The following MMP14 variants were observed in gnomAD, a reference collection of about 807,000 sequenced individuals.
The protein encoded by MMP14 is matrix metalloproteinase-14.
In MMP14, 13 loss-of-function variants were observed where a neutral mutation model predicts 64.8. The ratio of observed to expected loss-of-function variants is 0.20; its 90% CI spans 0.13 to 0.32. MMP14 has a LOEUF of 0.32. Among genes scored for constraint, MMP14 ranks in the 10% least tolerant of loss-of-function variants. MMP14 has a pLI of 1.00. For missense variants in MMP14, 594 were observed against 783.8 expected (o/e 0.76, Z 2.89); for synonymous variants, 322 against 315.9 (o/e 1.02, Z -0.20).
chr14:22,839,351 T>C (rs1252403999), intron 1 of MMP14, among the ~76,000 whole-genome samples: 1 of 152,244 alleles, frequency 6.6e-6, no homozygotes, highest in Non-Finnish European at 1.5e-5. Context: ...CCCCAGGCAC[T>C]GGCTGTGGCA....
chr14:22,845,895 G>T lies in MMP14; in HGVS notation c.1605G>T (p.Gly535=). 1 of 1,612,796 alleles carries T rather than the reference G, an allele frequency of 6.2e-7. No individual in the cohort carries two copies. Among genetic ancestry groups the T allele is most frequent in the Non-Finnish European group, 8.5e-7 (1 of 1,179,480 alleles). The change falls in exon 10 of 10, where the codon GGG becomes GGT. Residue 535 remains glycine (G), a synonymous_variant. Transcript: ENST00000311852. ...IIIEVDEEGG[G]AVSAAAVVLP... ...TTGAGGTGGACGAGGAGGGCGGCGGGGCGGTGAGCGCGGCTGCCGTGGTGC... is the reference window on the plus strand; with the variant it reads ...TTGAGGTGGACGAGGAGGGCGGCGGTGCGGTGAGCGCGGCTGCCGTGGTGC...
rs1449734957 is a variant in MMP14, at chr14:22,846,511, A to C, written c.*472A>C. The C allele has an allele frequency of 6.2e-6, 1 of 160,830 alleles. No homozygotes were observed. Among genetic ancestry groups the C allele is most frequent in the East Asian group, 1.9e-4 (1 of 5,386 alleles). The allele number at this position is 160,830 out of a possible 1,614,324, so 10.0% of individuals were successfully genotyped here. On this transcript the variant is annotated 3_prime_UTR_variant, in exon 10 of 10. Coordinates refer to ENST00000311852, the MANE Select transcript of MMP14 (RefSeq NM_004995.4). ...AGGTGTACCCAATTGGCAGCCTCTC[A>C]CTACTCTTTCTGGCTAAAAGGAATC... is the stretch of plus-strand genomic sequence containing the variant.
In MMP14 at chr14:22,843,211, A is replaced by T; in HGVS notation, c.689-46A>T. Reference sequence around the variant, plus strand: ...TGCTGGTGGGGAAGCAGGGAGGCTGAGGGAAGGGACTCAGGCTGCTATCGT... The same window carrying T: ...TGCTGGTGGGGAAGCAGGGAGGCTGTGGGAAGGGACTCAGGCTGCTATCGT... On this transcript the variant is annotated intron_variant, in intron 4 of 9. Coordinates refer to ENST00000311852, the MANE Select transcript of MMP14 (RefSeq NM_004995.4). This position sits in a 1 kb window ranked among gnomAD's most constrained non-coding sequence, Gnocchi z 4.8. The T allele has an allele frequency of 6.4e-7, 1 of 1,572,380 alleles. No individual in the cohort carries two copies. The highest frequency in any genetic ancestry group is 8.7e-7 in the Non-Finnish European group (1 of 1,153,172).
At chr14:22,838,423 G>A (rs1411289376) in intron 1 of MMP14, among the ~76,000 whole-genome samples, 1 of 152,136 alleles carries the variant, frequency 6.6e-6, no homozygotes, top group Non-Finnish European at 1.5e-5. Context: ...TTTGCTTCTG[G>A]GCCCAGGAAG....
At position 22,842,109 on chromosome 14, in the gene MMP14, CAG is replaced by C; in HGVS notation, c.380+78_380+79del. Reference sequence around the variant, plus strand: ...TACCCATTGTGCTTATGCAGGGACTCAGAGACCCCCTGCCCCACTCCCCTCAG... The same window carrying C: ...TACCCATTGTGCTTATGCAGGGACTCAGACCCCCTGCCCCACTCCCCTCAG... On this transcript the variant is annotated intron_variant, in intron 3 of 9. Coordinates refer to ENST00000311852, the MANE Select transcript of MMP14 (RefSeq NM_004995.4). The surrounding 1 kb of genome is among the most constrained non-coding windows in gnomAD (Gnocchi z 5.3). The C allele has an allele frequency of 6.3e-7, 1 of 1,581,484 alleles. No individual in the cohort carries two copies. The highest frequency in any genetic ancestry group is 8.6e-7 in the Non-Finnish European group (1 of 1,156,234).
chr14:22,843,653 T>C lies in MMP14; in HGVS notation c.851-57T>C. ...AGGGTATTGTCTGCCCATCTGTCTGTCCTTCCGTCCCCGCCTCCTCCTAAG... is the reference window on the plus strand; with the variant it reads ...AGGGTATTGTCTGCCCATCTGTCTGCCCTTCCGTCCCCGCCTCCTCCTAAG... On this transcript the variant is annotated intron_variant, in intron 5 of 9. Transcript: ENST00000311852. The surrounding 1 kb of genome is among the most constrained non-coding windows in gnomAD (Gnocchi z 4.8). The C allele has an allele frequency of 1.3e-6, 2 of 1,542,264 alleles. No individual in the cohort carries two copies. Among genetic ancestry groups the C allele is most frequent in the Non-Finnish European group, 1.8e-6 (2 of 1,142,268 alleles).
At chr14:22,844,841 C>T in intron 8 of MMP14, 61 bp downstream of exon 8, 6 of 1,606,376 alleles carry the variant, frequency 3.7e-6, no homozygotes, top group Non-Finnish European at 5.1e-6. Context: ...CCCAAATTCC[C>T]TCAGTTCTGG....
rs1438036689 is a variant in MMP14 at position 22,843,044 on chromosome 14, GCTT to G, written c.689-211_689-209del. ...CAGGTCTTCCCGGGATCGGGGTCCT[GCTT>G]CCAAGCACTCTCTCACCTCCACCCA... On this transcript the variant is annotated intron_variant, in intron 4 of 9. Coordinates refer to ENST00000311852, the MANE Select transcript of MMP14 (RefSeq NM_004995.4). The surrounding 1 kb of genome is among the most constrained non-coding windows in gnomAD (Gnocchi z 4.8). Among the ~76,000 whole-genome samples the G allele has an allele frequency of 6.6e-6, 1 of 152,206 alleles. No homozygotes were observed. The highest frequency in any genetic ancestry group is 1.5e-5 in the Non-Finnish European group (1 of 68,038).
Position 22,845,952 on chromosome 14 carries a change from G to A in MMP14, c.1662G>A (p.Ala554=), listed in dbSNP as rs753392905. The A allele has an allele frequency of 1.3e-5, 20 of 1,588,704 alleles. No individual in the cohort carries two copies. Among genetic ancestry groups the A allele is most frequent in the Middle Eastern group, 1.8e-4 (1 of 5,698 alleles). Residue 554 remains alanine, a synonymous_variant, in exon 10 of 10, where the codon GCG becomes GCA. Coordinates refer to ENST00000311852, the MANE Select transcript of MMP14 (RefSeq NM_004995.4). ...TGCTGCTGCTGCTCCTGGTGCTGGC[G>A]GTGGGCCTTGCAGTCTTCTTCTTCA... ...LPVLLLLLVL[A]VGLAVFFFRR...
intron 1 of MMP14, among the ~76,000 whole-genome samples, chr14:22,837,836 G>A (rs2039745935): frequency 6.6e-6 from 1 of 152,176 alleles, no homozygotes; most frequent in African/African-American, 2.4e-5. Context: ...GGAGTTGTCT[G>A]AGGAGGTTTT....
At position 22,843,207 on chromosome 14, in the gene MMP14, G is replaced by A; in HGVS notation, c.689-50G>A. The stretch of plus-strand genomic sequence containing the variant: ...AAGCTGCTGGTGGGGAAGCAGGGAG[G>A]CTGAGGGAAGGGACTCAGGCTGCTA... On this transcript the variant is annotated intron_variant, in intron 4 of 9. Coordinates refer to ENST00000311852, the MANE Select transcript of MMP14 (RefSeq NM_004995.4). The surrounding 1 kb of genome is among the most constrained non-coding windows in gnomAD (Gnocchi z 4.8). 1 of 1,568,106 alleles carries A rather than the reference G, an allele frequency of 6.4e-7. No homozygotes were observed. Among genetic ancestry groups the A allele is most frequent in the South Asian group, 1.2e-5 (1 of 86,854 alleles).
At position 22,842,099 on chromosome 14, in the gene MMP14, T is replaced by A; in HGVS notation, c.380+64T>A. ...TATTATTTCCTACCCATTGTGCTTA[T>A]GCAGGGACTCAGAGACCCCCTGCCC... On this transcript the variant is annotated intron_variant, in intron 3 of 9. Coordinates refer to ENST00000311852, the MANE Select transcript of MMP14 (RefSeq NM_004995.4). The surrounding 1 kb of genome is among the most constrained non-coding windows in gnomAD (Gnocchi z 5.3). 6.2e-7 allele frequency: 1 copy of A among 1,601,380 alleles called. No homozygotes were observed. Among genetic ancestry groups the A allele is most frequent in the Non-Finnish European group, 8.5e-7 (1 of 1,171,184 alleles).
chr14:22,843,271 C>T lies in MMP14; in HGVS notation c.703C>T (p.Leu235=). 2 of 1,613,774 alleles carry T rather than the reference C, an allele frequency of 1.2e-6. No individual in the cohort carries two copies. Among genetic ancestry groups the T allele is most frequent in the Non-Finnish European group, 1.7e-6 (2 of 1,179,788 alleles). Residue 235 remains leucine (L), a synonymous_variant, in exon 5 of 10, where the codon CTG becomes TTG. Transcript: ENST00000311852. The surrounding 1 kb of genome is among the most constrained non-coding windows in gnomAD (Gnocchi z 4.8). ...NEDLNGNDIF[L]VAVHELGHAL... is the part of the protein sequence containing the mutation. ...CATCCTTCCAGGAAATGACATCTTC[C>T]TGGTGGCTGTGCACGAGCTGGGCCA...
intron 1 of MMP14, among the ~76,000 whole-genome samples, chr14:22,840,941 C>A (rs2269212): frequency 6.6e-6 from 1 of 152,098 alleles, no homozygotes; most frequent in Admixed American, 6.6e-5. Context: ...CTAGTTTCCC[C>A]TCGTAGCAGC....
Position 22,843,903 on chromosome 14 carries a change from A to C in MMP14, c.1011+33A>C. ...GAAGTGGGCTGGTTTGAAAGACAAAAGGGCCCTATGGGCTGGGCATGGTGG... is the reference window on the plus strand; with the variant it reads ...GAAGTGGGCTGGTTTGAAAGACAAACGGGCCCTATGGGCTGGGCATGGTGG... On this transcript the variant is annotated intron_variant, in intron 6 of 9. Coordinates refer to ENST00000311852, the MANE Select transcript of MMP14 (RefSeq NM_004995.4). This position sits in a 1 kb window ranked among gnomAD's most constrained non-coding sequence, Gnocchi z 4.8. 6.2e-7 allele frequency: 1 copy of C among 1,602,944 alleles called. No homozygotes were observed. The highest frequency in any genetic ancestry group is 8.5e-7 in the Non-Finnish European group (1 of 1,177,154).
chr14:22,840,348 G>C (rs2039764554), intron 1 of MMP14, among the ~76,000 whole-genome samples: 1 of 152,180 alleles, frequency 6.6e-6, no homozygotes, highest in Admixed American at 6.5e-5. Context: ...ACAGGGCTTT[G>C]CAGTGTGTGT....
chr14:22,842,146 A>G lies in MMP14; in HGVS notation c.380+111A>G. The G allele has an allele frequency of 6.8e-7, 1 of 1,461,980 alleles. No homozygotes were observed. The highest frequency in any genetic ancestry group is 9.4e-7 in the Non-Finnish European group (1 of 1,063,670). 90.6% of individuals were successfully genotyped at this position (1,461,980 alleles called of 1,614,324 possible). A position where few individuals can be genotyped will look rare whatever the true frequency, so the allele number is the denominator to read the frequency against. On this transcript the variant is annotated intron_variant, in intron 3 of 9. Transcript: ENST00000311852. This position sits in a 1 kb window ranked among gnomAD's most constrained non-coding sequence, Gnocchi z 5.3. ...GCCCCACTCCCCTCAGTTCCTGGGA[A>G]GCATCCGTGGGAGTGGGGAGGAAAA...
chr14:22,837,213 C>T (rs750966590), intron 1 of MMP14: 19 of 603,936 alleles, frequency 3.1e-5, no homozygotes, highest in South Asian at 2.6e-4. Flanking sequence ...GGGGCGAACT[C>T]CCCCTTCCCC....
At chr14:22,837,279 C>A (rs766487779) in intron 1 of MMP14, 2 of 496,640 alleles carry the variant, frequency 4.0e-6, no homozygotes, top group Admixed American at 4.6e-5. Flanking sequence ...ATTTGGACTC[C>A]GCTCAAACCC....
Sources: allele counts gnomAD v4.1 joint callset (sites outside exome capture counted in the v4.1 genomes callset), GRCh38; gene constraint gnomAD v4.1.1; non-coding constraint Gnocchi (gnomAD v3.1); transcripts MANE v1.5; gene names NCBI Gene and HGNC (gene_info 2026-07-23, HGNC 2026-07-21).